The following MEGF10 variants were observed in gnomAD, a reference collection of about 807,000 sequenced individuals.
The protein encoded by MEGF10 is multiple epidermal growth factor-like domains protein 10.
In MEGF10, 86 loss-of-function variants were observed where a neutral mutation model predicts 147.5. The observed-to-expected ratio is 0.58, with a 90% CI of 0.49 to 0.70. The LOEUF is 0.70. Ranked by LOEUF, MEGF10 falls within the 30% of genes least tolerant of loss-of-function variation. The pLI is 0.00. For synonymous variants in MEGF10, 478 were observed against 525.5 expected (o/e 0.91, Z 1.24); for missense variants, 1,329 against 1,487.3 (o/e 0.89, Z 1.75).
At chr5:127,392,919 G>C (rs1030059750) in intron 5 of MEGF10, among the ~76,000 whole-genome samples, 10 of 152,158 alleles carry the variant, frequency 6.6e-5, no homozygotes, top group African/African-American at 1.9e-4. Context: ...TGAAATATCT[G>C]CATGAATCTG....
intron 23 of MEGF10, 83 bp downstream of exon 23, chr5:127,454,693 C>A: frequency 2.4e-6 from 3 of 1,234,160 alleles, no homozygotes; most frequent in South Asian, 1.4e-5. Context: ...TTTAAACAAG[C>A]TAGAATGGCA....
intron 4 of MEGF10, among the ~76,000 whole-genome samples, chr5:127,348,404 G>A (rs1403257908): frequency 6.6e-6 from 1 of 151,970 alleles, no homozygotes; most frequent in Non-Finnish European, 1.5e-5. Flanking sequence ...TTTAAATGTA[G>A]AATTATTTTT....
chr5:127,442,857 G>C, intron 18 of MEGF10, 141 bp from the exon 19 acceptor site: 2 of 784,396 alleles, frequency 2.5e-6, no homozygotes, highest in Non-Finnish European at 3.9e-6. Context: ...TCCAGTTCTG[G>C]GACACTCTTG....
chr5:127,413,065 C>T (rs780812946), intron 9 of MEGF10, among the ~76,000 whole-genome samples: 1 of 152,092 alleles, frequency 6.6e-6, no homozygotes, highest in Non-Finnish European at 1.5e-5. Context: ...GTCATCTAAC[C>T]AAGTCCAGAT....
the MEGF10 span, among the ~76,000 whole-genome samples, chr5:127,281,653 A>G: frequency 6.6e-6 from 1 of 152,110 alleles, no homozygotes; most frequent in Non-Finnish European, 1.5e-5. Flanking sequence ...GGATGAAGGA[A>G]AGGACAGGCA....
chr5:127,232,471 C>G, the MEGF10 span, among the ~76,000 whole-genome samples: 2 of 152,182 alleles, frequency 1.3e-5, no homozygotes, highest in African/African-American at 4.8e-5. Flanking sequence ...AGGACAGGCT[C>G]TGTGCTCTGT....
At chr5:127,453,164 A>G (rs751893504) in intron 22 of MEGF10, among the ~76,000 whole-genome samples, 10 of 152,206 alleles carry the variant, frequency 6.6e-5, no homozygotes, top group Non-Finnish European at 1.2e-4. Context: ...TGGAATGTTC[A>G]TTGCTAGTTG....
intron 9 of MEGF10, among the ~76,000 whole-genome samples, chr5:127,412,517 T>C (rs1764612629): frequency 6.6e-6 from 1 of 152,224 alleles, no homozygotes; most frequent in Non-Finnish European, 1.5e-5. Flanking sequence ...ATTTATGATA[T>C]ACTAAAGCCT....
the MEGF10 span, among the ~76,000 whole-genome samples, chr5:127,268,418 T>C: frequency 6.6e-6 from 1 of 152,262 alleles, no homozygotes; most frequent in Admixed American, 6.5e-5. Context: ...GAGAGTTCTG[T>C]AGATGTCTGT....
intron 13 of MEGF10, among the ~76,000 whole-genome samples, chr5:127,423,935 A>G (rs1765118921): frequency 6.6e-6 from 1 of 152,112 alleles, no homozygotes; most frequent in African/African-American, 2.4e-5. Context: ...GTTAAATGTA[A>G]AAAAACATTG....
intron 4 of MEGF10, among the ~76,000 whole-genome samples, chr5:127,342,722 T>C (rs1420453665): frequency 6.6e-6 from 1 of 152,170 alleles, no homozygotes; most frequent in African/African-American, 2.4e-5. Flanking sequence ...TCTCTCCTGC[T>C]AGACAGCTTG....
chr5:127,236,814 T>C, the MEGF10 span, among the ~76,000 whole-genome samples: 1 of 152,242 alleles, frequency 6.6e-6, no homozygotes, highest in Non-Finnish European at 1.5e-5. Context: ...GAAACTTACC[T>C]ATATTACAAT....
chr5:127,334,503 C>A lies in MEGF10; in HGVS notation c.116+3079C>A, dbSNP rs1437998211. Among the ~76,000 whole-genome samples, 7 of 152,234 alleles carry A rather than the reference C, an allele frequency of 4.6e-5. No individual in the cohort carries two copies. The East Asian group carries it at 1.4e-3, about 29-fold the overall frequency. ...CTTCTAGCTGCATCCCAATTGATAT[C>A]TGAATATTTATTTTGAAATAGAGAT... On this transcript the variant is annotated intron_variant, in intron 2 of 24. Coordinates refer to ENST00000503335, the MANE Select transcript of MEGF10 (RefSeq NM_001256545.2).
chr5:127,405,219 T>C (rs1191138859), intron 8 of MEGF10, among the ~76,000 whole-genome samples: 14 of 152,238 alleles, frequency 9.2e-5, no homozygotes, highest in Admixed American at 7.8e-4. Context: ...TTTTTTATGA[T>C]GTCTTTGAAT....
chr5:127,238,059 A>ATATG, the MEGF10 span, among the ~76,000 whole-genome samples: 1 of 147,488 alleles, frequency 6.8e-6, no homozygotes, highest in Non-Finnish European at 1.5e-5. Flanking sequence ...ATATATATAT[A>ATATG]TATATGTATA....
intron 4 of MEGF10, among the ~76,000 whole-genome samples, chr5:127,360,846 G>A (rs994656542): frequency 4.0e-5 from 6 of 150,996 alleles, no homozygotes; most frequent in Non-Finnish European, 7.4e-5. Context: ...ATATATATGT[G>A]TGTATATATA....
At chr5:127,263,676 G>C in the MEGF10 span, among the ~76,000 whole-genome samples, 1 of 151,936 alleles carries the variant, frequency 6.6e-6, no homozygotes, top group African/African-American at 2.4e-5. Context: ...TATTAATATG[G>C]GATTTGAACA....
the MEGF10 span, among the ~76,000 whole-genome samples, chr5:127,233,480 G>C: frequency 2.6e-5 from 4 of 152,210 alleles, no homozygotes; most frequent in African/African-American, 9.6e-5. Context: ...CTTCCCTGAA[G>C]TAAGGCGGCA....
At chr5:127,294,114 G>T (rs1269861380) in intron 1 of MEGF10, among the ~76,000 whole-genome samples, 2 of 152,144 alleles carry the variant, frequency 1.3e-5, no homozygotes, top group Non-Finnish European at 2.9e-5. Context: ...CATCTTTTAA[G>T]ACACTATTCA....
Sources: gnomAD v4.1 joint callset for allele counts (sites outside exome capture counted in the v4.1 genomes callset) on GRCh38, gnomAD v4.1.1 for gene constraint, MANE v1.5 for transcripts, NCBI Gene and HGNC (gene_info 2026-07-23, HGNC 2026-07-21) for gene names.